Variants in UBE2K observed in about 807,000 individuals in gnomAD.
The protein encoded by UBE2K is ubiquitin-conjugating enzyme E2 K.
Under a neutral mutation model 30.0 loss-of-function variants are expected in UBE2K, and 6 were observed. That is an observed-to-expected ratio of 0.20 (90% CI 0.11 to 0.39). UBE2K has a LOEUF of 0.39. UBE2K is among the 10% of genes least tolerant of loss of function. UBE2K has a pLI of 1.00. For missense variants in UBE2K, 61 were observed against 241.6 expected (o/e 0.25, Z 4.96); for synonymous variants, 86 against 83.7 (o/e 1.03, Z -0.15).
Position 39,698,274 on chromosome 4 carries a change from G to A in UBE2K, c.-54G>A. ...TGGAGGAAGAGGTGGCGGCGGTGGC[G>A]GTGGTCGTAGCGGTGGCGGAGGAGG... On this transcript the variant is annotated 5_prime_UTR_variant, in exon 1 of 7. Coordinates refer to ENST00000261427, the MANE Select transcript of UBE2K (RefSeq NM_005339.5). The A allele has an allele frequency of 3.2e-6, 5 of 1,562,964 alleles. No homozygotes were observed. The highest frequency in any genetic ancestry group is 4.4e-6 in the Non-Finnish European group (5 of 1,144,414).
intron 4 of UBE2K, among the ~76,000 whole-genome samples, chr4:39,774,148 C>CA (rs892503602): frequency 1.7e-4 from 26 of 150,844 alleles, no homozygotes; most frequent in South Asian, 4.2e-4. Context: ...AAAGGAAAAA[C>CA]AAAAAAAATG....
intron 1 of UBE2K, among the ~76,000 whole-genome samples, chr4:39,729,681 A>G (rs1404856116): frequency 1.3e-5 from 2 of 152,066 alleles, no homozygotes; most frequent in Non-Finnish European, 2.9e-5. Flanking sequence ...GATTGTTACA[A>G]CACTTCAAAT....
chr4:39,701,377 T>G (rs941702972), intron 1 of UBE2K, among the ~76,000 whole-genome samples: 3 of 152,230 alleles, frequency 2.0e-5, no homozygotes, highest in Non-Finnish European at 4.4e-5. Context: ...TATTAGTTAT[T>G]GCTGCTGTTA....
rs1209783753 is a variant in UBE2K, at chr4:39,778,476, G to GA, written c.*43dup. On this transcript the variant is annotated 3_prime_UTR_variant, in exon 7 of 7. Transcript: ENST00000261427. Reference sequence around the variant, plus strand: ...GATATAGTCAAGCTTGCCTCTTCTTGAGGAGCACCAACATCTGTTATTTTT... The same window carrying GA: ...GATATAGTCAAGCTTGCCTCTTCTTGAAGGAGCACCAACATCTGTTATTTTT... 2 of 1,291,392 alleles carry GA rather than the reference G, an allele frequency of 1.5e-6. No individual in the cohort carries two copies. The highest frequency in any genetic ancestry group is 2.5e-5 in the South Asian group (2 of 80,820). 80.0% of individuals were successfully genotyped at this position (1,291,392 alleles called of 1,614,324 possible). A position where few individuals can be genotyped will look rare whatever the true frequency, so the allele number is the denominator to read the frequency against.
rs936425876 is a variant in UBE2K, at chr4:39,730,350, G to GT, written c.64-7062dup. Among the ~76,000 whole-genome samples, 35 of 151,332 alleles carry GT rather than the reference G, an allele frequency of 2.3e-4. No individual in the cohort carries two copies. In the East Asian group the frequency reaches 4.3e-3, roughly 18 times the overall value. On this transcript the variant is annotated intron_variant, in intron 1 of 6. Coordinates refer to ENST00000261427, the MANE Select transcript of UBE2K (RefSeq NM_005339.5). ...CAGACACACGTTTTTTGTTTTTTTT[G>GT]TTTTTTTTCCACGCTGTAGAGATGG... is the stretch of plus-strand genomic sequence containing the variant.
chr4:39,767,953 A>G (rs28519425), intron 4 of UBE2K, among the ~76,000 whole-genome samples: 16,730 of 152,130 alleles, frequency 0.11, 1,132 homozygotes, highest in East Asian at 0.22. Flanking sequence ...TAAATAGTGC[A>G]CTTAAGTGTT....
chr4:39,718,792 C>A (rs1719253984), intron 1 of UBE2K, among the ~76,000 whole-genome samples: 1 of 152,276 alleles, frequency 6.6e-6, no homozygotes, highest in Non-Finnish European at 1.5e-5. Flanking sequence ...GTCGGCCGCT[C>A]AGAGTGCTGA....
chr4:39,773,452 A>C (rs1344461108), intron 4 of UBE2K, among the ~76,000 whole-genome samples: 1 of 152,018 alleles, frequency 6.6e-6, no homozygotes, highest in Non-Finnish European at 1.5e-5. Flanking sequence ...TCGGCGGCAG[A>C]GTGAGACTCC....
At chr4:39,728,154 G>A (rs1322333303) in intron 1 of UBE2K, among the ~76,000 whole-genome samples, 1 of 151,878 alleles carries the variant, frequency 6.6e-6, no homozygotes, top group African/African-American at 2.4e-5. Context: ...ATAAGTAAAA[G>A]AAAAGCTCTG....
intron 4 of UBE2K, among the ~76,000 whole-genome samples, chr4:39,760,796 AAAATTAAAAC>A (rs551682755): frequency 8.1e-4 from 124 of 152,228 alleles, no homozygotes; most frequent in Middle Eastern, 3.4e-3. Context: ...AAAATTAAAA[AAAATTAAAAC>A]AAATAAAAAA....
chr4:39,762,567 G>T (rs79555498), intron 4 of UBE2K, among the ~76,000 whole-genome samples: 2,551 of 152,302 alleles, frequency 0.017, 78 homozygotes, highest in African/African-American at 0.059. Flanking sequence ...GATGAAAGAG[G>T]AGCCTGTTTC....
chr4:39,717,170 T>C (rs1022411295), intron 1 of UBE2K, among the ~76,000 whole-genome samples: 8 of 151,978 alleles, frequency 5.3e-5, no homozygotes, highest in Middle Eastern at 3.4e-3. Context: ...AAGAATAAAA[T>C]AGAATAAAAG....
At chr4:39,761,191 A>G (rs1040809870) in intron 4 of UBE2K, 2 of 151,946 alleles carry the variant, frequency 1.3e-5, no homozygotes, top group African/African-American at 4.9e-5. Context: ...GAACCAGACA[A>G]GGTTGGAAAC....
intron 2 of UBE2K, among the ~76,000 whole-genome samples, chr4:39,743,926 G>A (rs990465748): frequency 6.6e-6 from 1 of 152,050 alleles, no homozygotes; most frequent in Non-Finnish European, 1.5e-5. Flanking sequence ...GCAGTGGTGC[G>A]AACTTGGCTC....
chr4:39,728,278 T>C (rs1310287900), intron 1 of UBE2K, among the ~76,000 whole-genome samples: 3 of 152,226 alleles, frequency 2.0e-5, no homozygotes, highest in Non-Finnish European at 2.9e-5. Flanking sequence ...GATTGAGTTA[T>C]TACATGTACA....
intron 3 of UBE2K, among the ~76,000 whole-genome samples, chr4:39,746,053 C>G (rs1221288033): frequency 6.6e-6 from 1 of 151,996 alleles, no homozygotes; most frequent in Non-Finnish European, 1.5e-5. Flanking sequence ...GTACATCTGA[C>G]AATGGCTCAT....
intron 4 of UBE2K, among the ~76,000 whole-genome samples, chr4:39,764,402 G>A (rs1208261206): frequency 2.7e-5 from 4 of 149,610 alleles, no homozygotes; most frequent in Non-Finnish European, 4.4e-5. Flanking sequence ...CAATTTTGAG[G>A]GTTTTGAGAG....
In UBE2K at chr4:39,698,272, G is replaced by A. The variant is rs1165844462; in HGVS notation, c.-56G>A. On this transcript the variant is annotated 5_prime_UTR_variant, in exon 1 of 7. Coordinates refer to ENST00000261427, the MANE Select transcript of UBE2K (RefSeq NM_005339.5). ...GGTGGAGGAAGAGGTGGCGGCGGTG[G>A]CGGTGGTCGTAGCGGTGGCGGAGGA... 1.0e-5 allele frequency: 16 copies of A among 1,556,452 alleles called. No individual in the cohort carries two copies. The highest frequency in any genetic ancestry group is 1.4e-5 in the Non-Finnish European group (16 of 1,139,072).
chr4:39,713,691 G>C (rs1237297250), intron 1 of UBE2K, among the ~76,000 whole-genome samples: 11 of 151,574 alleles, frequency 7.3e-5, no homozygotes, highest in Admixed American at 7.2e-4. Context: ...TTGAAACTCT[G>C]TACCCAATAT....
Sources: allele counts gnomAD v4.1 joint callset (sites outside exome capture counted in the v4.1 genomes callset), GRCh38; gene constraint gnomAD v4.1.1; transcripts MANE v1.5; gene names NCBI Gene and HGNC (gene_info 2026-07-23, HGNC 2026-07-21).